GRID2: variants seen among roughly 807,000 people sequenced by gnomAD.
GRID2 encodes the protein glutamate receptor ionotropic, delta-2.
GRID2 carries 33 observed loss-of-function variants against 114.8 expected under a neutral mutation model. The observed-to-expected ratio is 0.29, with a 90% CI of 0.22 to 0.38. The LOEUF is 0.38. Among genes scored for constraint, GRID2 ranks in the 10% least tolerant of loss-of-function variants. The pLI is 1.00. For synonymous variants in GRID2, 505 were observed against 449.9 expected (o/e 1.12, Z -1.55); for missense variants, 1,184 against 1,257.7 (o/e 0.94, Z 0.89).
At chr4:92,553,877 C>A (rs1244445871) in intron 1 of GRID2, among the ~76,000 whole-genome samples, 3 of 152,104 alleles carry the variant, frequency 2.0e-5, no homozygotes, top group Non-Finnish European at 4.4e-5. Context: ...GTCTTGATCT[C>A]CTGACCTCAT....
intron 6 of GRID2, among the ~76,000 whole-genome samples, chr4:93,222,827 G>C (rs1240699105): frequency 6.6e-6 from 1 of 151,926 alleles, no homozygotes; most frequent in Non-Finnish European, 1.5e-5. Context: ...AATATTCCAT[G>C]GTGTATATGT....
chr4:92,813,687 C>G (rs1451264462), intron 2 of GRID2, among the ~76,000 whole-genome samples: 2 of 151,890 alleles, frequency 1.3e-5, no homozygotes, highest in Non-Finnish European at 2.9e-5. Context: ...CTCACACACA[C>G]TTTTTAAGAT....
At chr4:93,529,080 C>A (rs563766331) in intron 13 of GRID2, among the ~76,000 whole-genome samples, 1 of 152,258 alleles carries the variant, frequency 6.6e-6, no homozygotes, top group South Asian at 2.1e-4. Context: ...AAACTTAAGT[C>A]TGTAATGTCC....
At chr4:93,099,777 A>T (rs898224386) in intron 3 of GRID2, among the ~76,000 whole-genome samples, 1 of 151,980 alleles carries the variant, frequency 6.6e-6, no homozygotes, top group Non-Finnish European at 1.5e-5. Flanking sequence ...TTTAATTGCC[A>T]TGTGTTCTTT....
chr4:93,088,473 A>C (rs1013267418), intron 3 of GRID2, among the ~76,000 whole-genome samples: 3 of 152,120 alleles, frequency 2.0e-5, no homozygotes, highest in Non-Finnish European at 4.4e-5. Context: ...AAAATAGTGG[A>C]TTAAGTGTTA....
At position 93,772,193 on chromosome 4, in the gene GRID2, A is replaced by G. The variant is rs1578782942; in HGVS notation, c.2719A>G (p.Ile907Val). Residue 907 changes from isoleucine to valine, a missense_variant, in exon 16 of 16, where the codon ATT becomes GTT. By Grantham distance (29) the Ile-to-Val change is conservative (BLOSUM62 3). Transcript: ENST00000282020. ...GTCAATTGATTTGACCCCTCTGGAC[A>G]TTGACACTTTGCCAACACGACAAGC... ...TSSIDLTPLD[I>V]DTLPTRQALE... 1.2e-6 allele frequency: 2 copies of G among 1,614,070 alleles called. No individual in the cohort carries two copies. The highest frequency in any genetic ancestry group is 4.5e-5 in the East Asian group (2 of 44,868).
At chr4:93,471,066 G>A (rs1209569631) in intron 11 of GRID2, among the ~76,000 whole-genome samples, 1 of 151,824 alleles carries the variant, frequency 6.6e-6, no homozygotes, top group Non-Finnish European at 1.5e-5. Flanking sequence ...GTAAAGGAAT[G>A]AGAAAAGCCT....
At chr4:92,593,994 A>G (rs533627351) in intron 2 of GRID2, among the ~76,000 whole-genome samples, 1 of 151,778 alleles carries the variant, frequency 6.6e-6, no homozygotes, top group South Asian at 2.1e-4. Context: ...AAAATTATAT[A>G]AATCTGGTTG....
chr4:93,517,114 A>C (rs186757308), intron 13 of GRID2, among the ~76,000 whole-genome samples: 171 of 152,156 alleles, frequency 1.1e-3, no homozygotes, highest in African/African-American at 4.1e-3. Context: ...TCTACCTCAC[A>C]CAGTTTTTGT....
At chr4:93,084,195 A>G (rs1221509216) in intron 2 of GRID2, among the ~76,000 whole-genome samples, 1 of 152,074 alleles carries the variant, frequency 6.6e-6, no homozygotes, top group East Asian at 1.9e-4. Context: ...TTTTCTGTGT[A>G]TACAATTTCT....
At chr4:92,936,535 T>C (rs1215211092) in intron 2 of GRID2, among the ~76,000 whole-genome samples, 4 of 146,344 alleles carry the variant, frequency 2.7e-5, no homozygotes, top group Admixed American at 7.5e-5. Context: ...ATCTAGTATT[T>C]AATCATGTAA....
intron 4 of GRID2, chr4:93,112,357 C>T (rs541596623): frequency 1.3e-5 from 2 of 152,054 alleles, no homozygotes; most frequent in Non-Finnish European, 2.9e-5. Flanking sequence ...GTAATTCCCA[C>T]GTGTTGAGGG....
At chr4:92,586,197 CAAG>C (rs927485150) in intron 1 of GRID2, among the ~76,000 whole-genome samples, 5 of 151,570 alleles carry the variant, frequency 3.3e-5, no homozygotes, top group African/African-American at 4.8e-5. Flanking sequence ...AAAATAAAAC[CAAG>C]AAGGAGAAAA....
At position 93,279,923 on chromosome 4, in the gene GRID2, G is replaced by A. The variant is rs79797248; in HGVS notation, c.1245+41433G>A. ...TGAAGGGCATTGTATGCGAAACTGC[G>A]GAGTTTGGATTTTACCCCATGTGAC... On this transcript the variant is annotated intron_variant, in intron 8 of 15. Coordinates refer to ENST00000282020, the MANE Select transcript of GRID2 (RefSeq NM_001510.4). 9.6e-3 allele frequency among the ~76,000 whole-genome samples: 1,457 copies of A among 151,980 alleles called. 13 individuals are homozygous for A. Among genetic ancestry groups the A allele is most frequent in the African/African-American group, 0.033 (1,365 of 41,486 alleles).
At chr4:93,465,668 G>C (rs2149426738) in intron 11 of GRID2, among the ~76,000 whole-genome samples, 1 of 152,238 alleles carries the variant, frequency 6.6e-6, no homozygotes, top group Admixed American at 6.5e-5. Flanking sequence ...GCCACGGCAA[G>C]AGATAGAATC....
At chr4:93,137,622 A>G (rs1478531017) in intron 4 of GRID2, among the ~76,000 whole-genome samples, 1 of 152,204 alleles carries the variant, frequency 6.6e-6, no homozygotes, top group East Asian at 1.9e-4. Context: ...TGAGATGGCA[A>G]TAGGACATGC....
At chr4:92,412,546 A>G (rs889679638) in intron 1 of GRID2, among the ~76,000 whole-genome samples, 26 of 152,108 alleles carry the variant, frequency 1.7e-4, no homozygotes, top group African/African-American at 6.0e-4. Flanking sequence ...TTCATTTATC[A>G]TGTAAAATAA....
intron 11 of GRID2, among the ~76,000 whole-genome samples, chr4:93,457,833 A>T: frequency 6.6e-6 from 1 of 152,222 alleles, no homozygotes. Flanking sequence ...AACAGATATG[A>T]CAGGAGAGAT....
At chr4:93,411,185 A>G (rs565538020) in intron 9 of GRID2, among the ~76,000 whole-genome samples, 1 of 152,296 alleles carries the variant, frequency 6.6e-6, no homozygotes, top group South Asian at 2.1e-4. Flanking sequence ...CACTAGCTAA[A>G]CTTAACTACA....
Sources: gnomAD v4.1 joint callset for allele counts (sites outside exome capture counted in the v4.1 genomes callset) on GRCh38, gnomAD v4.1.1 for gene constraint, MANE v1.5 for transcripts, NCBI Gene and HGNC (gene_info 2026-07-23, HGNC 2026-07-21) for gene names.